ATP2B4: variants seen among roughly 807,000 people sequenced by gnomAD.
The protein encoded by ATP2B4 is plasma membrane calcium-transporting ATPase 4.
In ATP2B4, 39 loss-of-function variants were observed where a neutral mutation model predicts 110.3. The observed-to-expected ratio is 0.35, with a 90% CI of 0.27 to 0.46. ATP2B4 has a LOEUF of 0.46. Ranked by LOEUF, ATP2B4 falls within the 20% of genes least tolerant of loss-of-function variation. The pLI, the probability that ATP2B4 is intolerant of heterozygous loss-of-function variation, is 1.00. For synonymous variants in ATP2B4, 538 were observed against 571.7 expected (o/e 0.94, Z 0.84); for missense variants, 1,135 against 1,530.9 (o/e 0.74, Z 4.32).
At chr1:203,669,830 TAGGC>T (rs1664608410) in intron 1 of ATP2B4, among the ~76,000 whole-genome samples, 1 of 152,214 alleles carries the variant, frequency 6.6e-6, no homozygotes, top group Non-Finnish European at 1.5e-5. Flanking sequence ...TTGCACAGGT[TAGGC>T]CAGGCTCTGG....
chr1:203,723,426 C>CTG, intron 18 of ATP2B4, among the ~76,000 whole-genome samples: 1 of 114,148 alleles, frequency 8.8e-6, no homozygotes, highest in African/African-American at 3.5e-5. Context: ...AGATATCTCT[C>CTG]TCTCTCTCTC....
In ATP2B4 at chr1:203,712,092, T is replaced by C; in HGVS notation, c.2164T>C (p.Leu722=). ...ILTPGDDFLC[L]EGKEFNRLIR... ...GACACCTGGGGATGACTTCCTGTGC[T>C]TAGAAGGCAAAGAATTCAACCGGCT... is the stretch of plus-strand genomic sequence containing the variant. Residue 722 remains leucine (L), a synonymous_variant, in exon 13 of 21, where the codon TTA becomes CTA. Transcript: ENST00000357681. 6.2e-7 allele frequency: 1 copy of C among 1,614,160 alleles called. No homozygotes were observed. The highest frequency in any genetic ancestry group is 8.5e-7 in the Non-Finnish European group (1 of 1,180,022).
At chr1:203,679,589 T>A (rs1447220112) in intron 1 of ATP2B4, among the ~76,000 whole-genome samples, 1 of 151,998 alleles carries the variant, frequency 6.6e-6, no homozygotes, top group East Asian at 1.9e-4. Context: ...AGGTTCAAAG[T>A]AAGGAAGGAA....
At chr1:203,719,111 G>T (rs1053139812) in intron 15 of ATP2B4, among the ~76,000 whole-genome samples, 3 of 151,418 alleles carry the variant, frequency 2.0e-5, no homozygotes, top group Non-Finnish European at 4.4e-5. Flanking sequence ...TGTCGTCCCA[G>T]CTACTCAGGA....
At chr1:203,669,491 C>A (rs1255001505) in intron 1 of ATP2B4, among the ~76,000 whole-genome samples, 1 of 152,068 alleles carries the variant, frequency 6.6e-6, no homozygotes, top group African/African-American at 2.4e-5. Flanking sequence ...GGCTGGAGTG[C>A]GATGGCGTGA....
intron 1 of ATP2B4, among the ~76,000 whole-genome samples, chr1:203,650,738 G>A (rs938060787): frequency 6.6e-6 from 1 of 152,222 alleles, no homozygotes; most frequent in Non-Finnish European, 1.5e-5. Flanking sequence ...GCCGGCTGCG[G>A]AAGTCCCGCA....
At chr1:203,698,536 C>A (rs911068867) in intron 3 of ATP2B4, among the ~76,000 whole-genome samples, 182 bp downstream of exon 3, 1 of 152,154 alleles carries the variant, frequency 6.6e-6, no homozygotes, top group Non-Finnish European at 1.5e-5. Context: ...CATCCTTATT[C>A]CAAGGGTTCC....
chr1:203,628,773 C>T (rs1014347261), intron 1 of ATP2B4, among the ~76,000 whole-genome samples: 1 of 152,088 alleles, frequency 6.6e-6, no homozygotes, highest in Non-Finnish European at 1.5e-5. Context: ...AGGAAAGCAG[C>T]CTGGGAGTGA....
At chr1:203,683,425 T>A in intron 2 of ATP2B4, 27 bp downstream of exon 2, 1 of 1,554,370 alleles carries the variant, frequency 6.4e-7, no homozygotes. Context: ...GGGTGGGGAG[T>A]TGGAGGAAGG....
chr1:203,713,381 T>TGG, intron 14 of ATP2B4, 129 bp downstream of exon 14: 2 of 873,716 alleles, frequency 2.3e-6, no homozygotes. Context: ...CCCAGGCTAG[T>TGG]GGGGAGAACA....
chr1:203,716,386 C>T (rs576022483), intron 15 of ATP2B4, among the ~76,000 whole-genome samples: 1 of 145,480 alleles, frequency 6.9e-6, no homozygotes, highest in Middle Eastern at 3.6e-3. Context: ...ACTTAGTACC[C>T]AAGGTTTTTC....
intron 20 of ATP2B4, among the ~76,000 whole-genome samples, chr1:203,733,859 T>G (rs1666805140): frequency 6.6e-6 from 1 of 152,176 alleles, no homozygotes; most frequent in Non-Finnish European, 1.5e-5. Context: ...GGGCAAAGTT[T>G]GGGATCTTTT....
In ATP2B4 at chr1:203,700,221, C is replaced by T. The variant is rs778774453; in HGVS notation, c.665C>T (p.Ala222Val). 4 of 1,613,248 alleles carry T rather than the reference C, an allele frequency of 2.5e-6. No individual in the cohort carries two copies. The East Asian group carries it at 8.9e-5, about 36-fold the overall frequency. ...AQVKYGDLLP[A>V]DGILIQGNDL... ...TGTGCTCTAGGTGATCTGCTGCCTG[C>T]AGATGGAATCCTGATCCAAGGGAAT... The change falls in exon 5 of 21, where the codon GCA becomes GTA. Residue 222 changes from alanine to valine, a missense_variant. Around this residue, in one of 9 missense-constraint regions of ATP2B4, gnomAD observed 101 missense variants for 182.6 expected, o/e 0.55. Transcript: ENST00000357681.
intron 1 of ATP2B4, among the ~76,000 whole-genome samples, chr1:203,671,204 A>G (rs1664650738): frequency 6.6e-6 from 1 of 152,180 alleles, no homozygotes; most frequent in Admixed American, 6.5e-5. Context: ...TTGACGACCT[A>G]TAGCATATTT....
intron 15 of ATP2B4, among the ~76,000 whole-genome samples, chr1:203,715,233 C>A (rs575945117): frequency 6.8e-6 from 1 of 146,708 alleles, no homozygotes; most frequent in African/African-American, 2.5e-5. Flanking sequence ...CAAGATCACG[C>A]CACTGCACTC....
Position 203,641,803 on chromosome 1 carries a change from A to G in ATP2B4, c.-465+14584A>G, listed in dbSNP as rs376175994. On this transcript the variant is annotated intron_variant, in intron 1 of 20. Coordinates refer to ENST00000357681, the MANE Select transcript of ATP2B4 (RefSeq NM_001684.5). Reference sequence around the variant, plus strand: ...GCTCACGGCCCTTCTAATACACAAAAAAAGGTTATTTACTCTCCTGGAAGA... The same window carrying G: ...GCTCACGGCCCTTCTAATACACAAAGAAAGGTTATTTACTCTCCTGGAAGA... Among the ~76,000 whole-genome samples the G allele has an allele frequency of 1.8e-4, 28 of 152,270 alleles. No individual in the cohort carries two copies. In the South Asian group the frequency reaches 5.8e-3, roughly 32 times the overall value.
intron 1 of ATP2B4, among the ~76,000 whole-genome samples, chr1:203,674,815 C>T (rs1664782359): frequency 1.3e-5 from 2 of 152,022 alleles, no homozygotes; most frequent in East Asian, 1.9e-4. Flanking sequence ...TGCCACCACA[C>T]CTGGCTAATT....
Position 203,710,101 on chromosome 1 carries a change from C to T in ATP2B4, c.1799+559C>T, listed in dbSNP as rs181451726. On this transcript the variant is annotated intron_variant, in intron 11 of 20. Coordinates refer to ENST00000357681, the MANE Select transcript of ATP2B4 (RefSeq NM_001684.5). The stretch of plus-strand genomic sequence containing the variant: ...GTGACTATTCGGCCAGGCGCAGTGG[C>T]TCACGCCTGTAATCCCAGCACTTTG... Among the ~76,000 whole-genome samples the T allele has an allele frequency of 3.9e-4, 60 of 152,278 alleles. No homozygotes were observed. In the East Asian group the frequency reaches 0.011, roughly 29 times the overall value.
At position 203,707,149 on chromosome 1, in the gene ATP2B4, A is replaced by G. The variant is rs2102395598; in HGVS notation, c.1240A>G (p.Ile414Val). 6.2e-7 allele frequency: 1 copy of G among 1,614,198 alleles called. No homozygotes were observed. ...QYFVKFFIIGITVLVVAVPEG... is the reference protein window; with the variant it reads ...QYFVKFFIIGVTVLVVAVPEG... ...CTTTGTCAAGTTCTTCATCATCGGC[A>G]TCACTGTACTGGTGGTGGCTGTGCC... The change falls in exon 9 of 21, where the codon ATC becomes GTC. Residue 414 changes from isoleucine to valine, a missense_variant. Transcript: ENST00000357681.
Sources: allele counts gnomAD v4.1 joint callset (sites outside exome capture counted in the v4.1 genomes callset), GRCh38; gene constraint gnomAD v4.1.1; regional missense constraint gnomAD v4.1.1; transcripts MANE v1.5; gene names NCBI Gene and HGNC (gene_info 2026-07-23, HGNC 2026-07-21).